Variants in HABP4 observed in about 807,000 individuals in gnomAD.
HABP4 encodes the protein intracellular hyaluronan-binding protein 4.
In HABP4, 32 loss-of-function variants were observed where a neutral mutation model predicts 44.1. That is an observed-to-expected ratio of 0.73 (90% CI 0.55 to 0.97). The LOEUF (loss-of-function observed/expected upper bound fraction) is 0.97. Among genes scored for constraint, HABP4 ranks in the 50% least tolerant of loss-of-function variants. The pLI is 0.00. For synonymous variants in HABP4, 216 were observed against 218.0 expected, an observed-to-expected ratio of 0.99 and a Z score of 0.08; for missense variants, 503 against 561.9, an observed-to-expected ratio of 0.90 and a Z score of 1.06.
chr9:96,451,949 C>T (rs1017929977), intron 1 of HABP4, among the ~76,000 whole-genome samples: 2 of 151,920 alleles, frequency 1.3e-5, no homozygotes, highest in African/African-American at 4.8e-5. Context: ...ATGAAAATGC[C>T]GGGTGTGGTG....
rs746521716 is a variant in HABP4, at chr9:96,465,660, T to C, written c.675-50T>C. 3.0e-6 allele frequency: 4 copies of C among 1,316,060 alleles called. No homozygotes were observed. The East Asian group carries it at 9.2e-5, about 30-fold the overall frequency. 81.5% of individuals were successfully genotyped at this position (1,316,060 alleles called of 1,614,324 possible). A position where few individuals can be genotyped will look rare whatever the true frequency, so the allele number is the denominator to read the frequency against. On this transcript the variant is annotated intron_variant, in intron 3 of 7. Coordinates refer to ENST00000375249, the MANE Select transcript of HABP4 (RefSeq NM_014282.4). ...TGAACCACTCTTTCTGATTTGGAGA[T>C]TGACTGGAGACTAGCTTCTGGTTTA...
intron 5 of HABP4, among the ~76,000 whole-genome samples, chr9:96,474,134 C>A (rs1044176994): frequency 1.3e-5 from 2 of 152,046 alleles, no homozygotes; most frequent in Non-Finnish European, 2.9e-5. Context: ...GAGTGAAAGG[C>A]CACAGTGATT....
intron 2 of HABP4, among the ~76,000 whole-genome samples, chr9:96,459,539 C>T (rs896832282): frequency 2.6e-5 from 4 of 152,044 alleles, no homozygotes; most frequent in Non-Finnish European, 5.9e-5. Context: ...TTATGTTAAA[C>T]AGAAACAAGT....
In HABP4 at chr9:96,490,249, CTG is replaced by C. The variant is rs1261360078; in HGVS notation, c.*215_*216del. On this transcript the variant is annotated 3_prime_UTR_variant, in exon 8 of 8. Coordinates refer to ENST00000375249, the MANE Select transcript of HABP4 (RefSeq NM_014282.4). ...TTCCCAAGAAGATGAAGAATGGTGA[CTG>C]TGTTTTTATTGAAGGAATTTCAAAT... 20 of 576,922 alleles carry C rather than the reference CTG, an allele frequency of 3.5e-5. No individual in the cohort carries two copies. The highest frequency in any genetic ancestry group is 2.1e-4 in the African/African-American group (11 of 53,542). The allele number at this position is 576,922 out of a possible 1,614,324, so 35.7% of individuals were successfully genotyped here.
chr9:96,471,294 C>T (rs1177692583), intron 5 of HABP4, among the ~76,000 whole-genome samples, 200 bp downstream of exon 5: 1 of 152,088 alleles, frequency 6.6e-6, no homozygotes, highest in African/African-American at 2.4e-5. Flanking sequence ...AGGCGTGCGC[C>T]ACCACGCCCA....
At chr9:96,458,225 C>T (rs546724883) in intron 1 of HABP4, among the ~76,000 whole-genome samples, 154 bp from the exon 2 acceptor site, 1 of 152,304 alleles carries the variant, frequency 6.6e-6, no homozygotes, top group East Asian at 1.9e-4. Flanking sequence ...GTTGTAGTAT[C>T]AGCAACTTTT....
intron 2 of HABP4, among the ~76,000 whole-genome samples, chr9:96,458,788 A>G (rs972881371): frequency 5.9e-5 from 9 of 151,910 alleles, no homozygotes; most frequent in Non-Finnish European, 1.0e-4. Context: ...ACGCCCGGCT[A>G]ATTTTGTATT....
chr9:96,451,689 A>G (rs529138891), intron 1 of HABP4, among the ~76,000 whole-genome samples: 2 of 152,252 alleles, frequency 1.3e-5, no homozygotes, highest in East Asian at 1.9e-4. Context: ...AGCTAAATCC[A>G]GAGTCATCAC....
At chr9:96,458,626 C>CTTTCT in intron 2 of HABP4, 85 bp downstream of exon 2, 9 of 648,666 alleles carry the variant, frequency 1.4e-5, no homozygotes, top group Non-Finnish European at 2.2e-5. Context: ...TTCTTTCTTT[C>CTTTCT]TTTTTTTTTT....
rs372665907 is a variant in HABP4, at chr9:96,488,301, G to T, written c.1185+27G>T. The T allele has an allele frequency of 6.5e-7, 1 of 1,546,942 alleles. No homozygotes were observed. The highest frequency in any genetic ancestry group is 8.8e-7 in the Non-Finnish European group (1 of 1,130,834). ...TAGGTGTCTGTATTGACGGTTTGGC[G>T]AAAGAAGTTAATAAGGACAGTGCCC... On this transcript the variant is annotated intron_variant, in intron 7 of 7. Coordinates refer to ENST00000375249, the MANE Select transcript of HABP4 (RefSeq NM_014282.4). This position sits in a 1 kb window ranked among gnomAD's most constrained non-coding sequence, Gnocchi z 4.6.
Position 96,488,279 on chromosome 9 carries a change from G to C in HABP4, c.1185+5G>C. On this transcript the variant is annotated splice_donor_5th_base_variant and intron_variant, in intron 7 of 7. Transcript: ENST00000375249. This position sits in a 1 kb window ranked among gnomAD's most constrained non-coding sequence, Gnocchi z 4.6. Reference sequence around the variant, plus strand: ...GGACCCAGAGCAGAAGTGGTGGTAGGTGTCTGTATTGACGGTTTGGCGAAA... The same window carrying C: ...GGACCCAGAGCAGAAGTGGTGGTAGCTGTCTGTATTGACGGTTTGGCGAAA... 3.1e-6 allele frequency: 5 copies of C among 1,603,812 alleles called. No individual in the cohort carries two copies. The highest frequency in any genetic ancestry group is 4.3e-6 in the Non-Finnish European group (5 of 1,173,240).
intron 7 of HABP4, among the ~76,000 whole-genome samples, chr9:96,489,265 T>C (rs1055221674): frequency 6.6e-6 from 1 of 152,094 alleles, no homozygotes; most frequent in Non-Finnish European, 1.5e-5. Context: ...CCTCACTCCT[T>C]TCCTATAGCG....
rs758508171 is a variant in HABP4, at chr9:96,458,502, G to C, written c.473G>C (p.Arg158Thr). ...YREYRPYETE[R>T]QADFTAEKFP... ...GAATACCGACCCTATGAGACAGAGAGGCAGGCAGACTTCACAGCTGAGAAG... is the reference window on the plus strand; with the variant it reads ...GAATACCGACCCTATGAGACAGAGACGCAGGCAGACTTCACAGCTGAGAAG... Residue 158 changes from arginine (R) to threonine (T), a missense_variant, in exon 2 of 8, where the codon AGG (arginine) becomes ACG (threonine). This residue lies in a region of HABP4 where 290 missense variants were observed against 300.5 expected (regional missense o/e 0.97). Coordinates refer to ENST00000375249, the MANE Select transcript of HABP4 (RefSeq NM_014282.4). 6.2e-7 allele frequency: 1 copy of C among 1,613,594 alleles called. No homozygotes were observed. Among genetic ancestry groups the C allele is most frequent in the East Asian group, 2.2e-5 (1 of 44,890 alleles).
At chr9:96,476,009 G>A (rs1832781084) in intron 5 of HABP4, among the ~76,000 whole-genome samples, 1 of 151,984 alleles carries the variant, frequency 6.6e-6, no homozygotes, top group Non-Finnish European at 1.5e-5. Context: ...AGGTGAAAAG[G>A]TATTGCATGA....
Position 96,450,605 on chromosome 9 carries a change from C to A in HABP4, c.326C>A (p.Pro109His), listed in dbSNP as rs1399491210. The change falls in exon 1 of 8, where the codon CCC (proline) becomes CAC (histidine). Residue 109 changes from proline (P) to histidine (H), a missense_variant. Transcript: ENST00000375249. This position sits in a 1 kb window ranked among gnomAD's most constrained non-coding sequence, Gnocchi z 4.8. ...PAPVAQRPDS[P>H]GGGLQAPGQK... is the part of the protein sequence containing the mutation. The stretch of plus-strand genomic sequence containing the variant: ...CCCGTCGCTCAGCGGCCCGATAGCC[C>A]CGGGGGCGGCCTGCAGGCGCCGGGT... 1 of 1,271,302 alleles carries A rather than the reference C, an allele frequency of 7.9e-7. No individual in the cohort carries two copies. 78.8% of individuals were successfully genotyped at this position (1,271,302 alleles called of 1,614,324 possible).
At position 96,450,318 on chromosome 9, in the gene HABP4, C is replaced by G; in HGVS notation, c.39C>G (p.Gly13=). ...GALGSPVAAA[G]AAMQESFGCV... ...TGGGGAGTCCCGTGGCTGCCGCTGGCGCCGCGATGCAGGAGAGTTTCGGCT... is the reference window on the plus strand; with the variant it reads ...TGGGGAGTCCCGTGGCTGCCGCTGGGGCCGCGATGCAGGAGAGTTTCGGCT... The change falls in exon 1 of 8, where the codon GGC becomes GGG. Residue 13 remains glycine (G), a synonymous_variant. Coordinates refer to ENST00000375249, the MANE Select transcript of HABP4 (RefSeq NM_014282.4). This position sits in a 1 kb window ranked among gnomAD's most constrained non-coding sequence, Gnocchi z 4.8. 7.0e-7 allele frequency: 1 copy of G among 1,431,434 alleles called. No homozygotes were observed. The highest frequency in any genetic ancestry group is 9.3e-7 in the Non-Finnish European group (1 of 1,077,286). 88.7% of individuals were successfully genotyped at this position (1,431,434 alleles called of 1,614,324 possible). A position where few individuals can be genotyped will look rare whatever the true frequency, so the allele number is the denominator to read the frequency against.
At chr9:96,456,184 T>C (rs2131114434) in intron 1 of HABP4, among the ~76,000 whole-genome samples, 1 of 152,314 alleles carries the variant, frequency 6.6e-6, no homozygotes, top group East Asian at 1.9e-4. Flanking sequence ...TAAATATTTC[T>C]AGGTTATGGG....
At position 96,459,857 on chromosome 9, in the gene HABP4, A is replaced by G. The variant is rs1264726672; in HGVS notation, c.512+1316A>G. ...GAAGTTACACATTCAAGACATTGAG[A>G]TAGTCTATCTGCAACCATGTTGGAG... On this transcript the variant is annotated intron_variant, in intron 2 of 7. Coordinates refer to ENST00000375249, the MANE Select transcript of HABP4 (RefSeq NM_014282.4). Among the ~76,000 whole-genome samples the G allele has an allele frequency of 2.0e-5, 3 of 152,222 alleles. No individual in the cohort carries two copies. The East Asian group carries it at 5.8e-4, about 29-fold the overall frequency.
At chr9:96,460,040 G>A (rs1222931163) in intron 2 of HABP4, among the ~76,000 whole-genome samples, 1 of 151,978 alleles carries the variant, frequency 6.6e-6, no homozygotes, top group African/African-American at 2.4e-5. Context: ...CTCACTTTAG[G>A]GATTCTGTGG....
Sources: allele counts gnomAD v4.1 joint callset (sites outside exome capture counted in the v4.1 genomes callset), GRCh38; gene constraint gnomAD v4.1.1; regional missense constraint gnomAD v4.1.1; non-coding constraint Gnocchi (gnomAD v3.1); transcripts MANE v1.5; gene names NCBI Gene and HGNC (gene_info 2026-07-23, HGNC 2026-07-21).